Variants in CNBD1 observed in about 807,000 individuals in gnomAD.
The protein encoded by CNBD1 is cyclic nucleotide binding domain containing 1, also known as cyclic nucleotide-binding domain-containing protein 1.
CNBD1 carries 71 observed loss-of-function variants against 54.4 expected under a neutral mutation model. The observed-to-expected ratio is 1.30, with a 90% CI of 1.08 to 1.59. The LOEUF is 1.59. Among genes scored for constraint, CNBD1 ranks in the 40% most tolerant of loss-of-function variants. The pLI, the probability that CNBD1 is intolerant of heterozygous loss-of-function variation, is 0.00. For synonymous variants in CNBD1, 182 were observed against 170.7 expected (o/e 1.07, Z -0.51); for missense variants, 659 against 518.0 (o/e 1.27, Z -2.64).
chr8:87,289,001 G>A (rs887720161), intron 8 of CNBD1, among the ~76,000 whole-genome samples: 14 of 151,980 alleles, frequency 9.2e-5, no homozygotes, highest in African/African-American at 3.1e-4. Context: ...TCAAAGAGAG[G>A]AATTGGATTA....
At chr8:86,955,752 T>A (rs1266976758) in intron 4 of CNBD1, among the ~76,000 whole-genome samples, 1 of 152,222 alleles carries the variant, frequency 6.6e-6, no homozygotes, top group Non-Finnish European at 1.5e-5. Context: ...ATGGGTAGTT[T>A]GTAAAAATTG....
chr8:87,171,419 T>G (rs1245021675), intron 4 of CNBD1, among the ~76,000 whole-genome samples: 1 of 151,978 alleles, frequency 6.6e-6, no homozygotes, highest in African/African-American at 2.4e-5. Context: ...TTTTTCTTAG[T>G]CTGGCCAAAG....
chr8:87,045,737 A>AAC (rs1810170608), intron 4 of CNBD1, among the ~76,000 whole-genome samples: 6 of 149,708 alleles, frequency 4.0e-5, no homozygotes. Context: ...AAAAAAAAAA[A>AAC]AAAAAAACAG....
At chr8:86,911,115 A>G (rs940416634) in intron 3 of CNBD1, among the ~76,000 whole-genome samples, 15 of 152,202 alleles carry the variant, frequency 9.9e-5, no homozygotes, top group Non-Finnish European at 1.6e-4. Context: ...GACAAAGAAA[A>G]GGGAAGATGG....
chr8:87,314,202 T>C (rs1269630659), intron 8 of CNBD1, among the ~76,000 whole-genome samples: 1 of 151,844 alleles, frequency 6.6e-6, no homozygotes, highest in Admixed American at 6.6e-5. Context: ...AATATCAATA[T>C]AAAAATCCTA....
chr8:87,308,148 C>A (rs1809195504), intron 8 of CNBD1, among the ~76,000 whole-genome samples: 1 of 152,096 alleles, frequency 6.6e-6, no homozygotes, highest in African/African-American at 2.4e-5. Context: ...TTATGACTTA[C>A]TGGCTGGAGT....
chr8:86,963,963 G>A (rs1291062276), intron 4 of CNBD1, among the ~76,000 whole-genome samples: 5 of 152,182 alleles, frequency 3.3e-5, no homozygotes, highest in Non-Finnish European at 5.9e-5. Context: ...CAGGTGCATT[G>A]TGAGGACTCT....
At chr8:86,956,189 T>C (rs1355597485) in intron 4 of CNBD1, among the ~76,000 whole-genome samples, 5 of 152,148 alleles carry the variant, frequency 3.3e-5, no homozygotes, top group Non-Finnish European at 5.9e-5. Context: ...CATTGATCTA[T>C]ATCTCTGTTT....
chr8:86,888,495 GTGACTTT>G (rs1487109585), intron 2 of CNBD1, among the ~76,000 whole-genome samples: 4 of 151,986 alleles, frequency 2.6e-5, no homozygotes, highest in Non-Finnish European at 5.9e-5. Flanking sequence ...TACCCTCTGT[GTGACTTT>G]AGACTGCTTA....
At chr8:87,330,274 G>A (rs1489629328) in intron 8 of CNBD1, among the ~76,000 whole-genome samples, 1 of 130,366 alleles carries the variant, frequency 7.7e-6, no homozygotes, top group Non-Finnish European at 1.6e-5. Flanking sequence ...CTTATCAGTT[G>A]TATTAATCTT....
intron 4 of CNBD1, among the ~76,000 whole-genome samples, chr8:87,192,097 G>T (rs887305660): frequency 6.6e-6 from 1 of 152,056 alleles, no homozygotes; most frequent in South Asian, 2.1e-4. Flanking sequence ...AAAAATTGTT[G>T]TCATACAAAG....
At chr8:86,868,345 A>C (rs1425051799) in intron 1 of CNBD1, among the ~76,000 whole-genome samples, 1 of 151,776 alleles carries the variant, frequency 6.6e-6, no homozygotes, top group Non-Finnish European at 1.5e-5. Flanking sequence ...TTATTTATTC[A>C]TTTTTATTTA....
At chr8:87,140,799 A>G (rs1456210967) in intron 4 of CNBD1, among the ~76,000 whole-genome samples, 1 of 152,172 alleles carries the variant, frequency 6.6e-6, no homozygotes, top group African/African-American at 2.4e-5. Flanking sequence ...TTATCAAAAG[A>G]TGAAATGGCA....
At chr8:87,234,680 A>G (rs1226749299) in intron 5 of CNBD1, among the ~76,000 whole-genome samples, 1 of 152,124 alleles carries the variant, frequency 6.6e-6, no homozygotes, top group Non-Finnish European at 1.5e-5. Context: ...TAGATTTAGC[A>G]TAATTGTTCA....
chr8:86,992,958 A>G lies in CNBD1; in HGVS notation c.431+53204A>G, dbSNP rs188110615. Among the ~76,000 whole-genome samples the G allele has an allele frequency of 1.0e-3, 153 of 152,200 alleles. No individual in the cohort carries two copies. The Middle Eastern group carries it at 0.017, about 17-fold the overall frequency. Reference sequence around the variant, plus strand: ...GTGATAGTCATCTTATATAGTACCTACCAGAGGTTCTCTGTATTTCTTGAA... The same window carrying G: ...GTGATAGTCATCTTATATAGTACCTGCCAGAGGTTCTCTGTATTTCTTGAA... On this transcript the variant is annotated intron_variant, in intron 4 of 10. Coordinates refer to ENST00000518476, the MANE Select transcript of CNBD1 (RefSeq NM_173538.3).
chr8:87,286,722 G>T lies in CNBD1; in HGVS notation c.1042+51G>T, dbSNP rs1214370111. On this transcript the variant is annotated intron_variant, in intron 8 of 10. Coordinates refer to ENST00000518476, the MANE Select transcript of CNBD1 (RefSeq NM_173538.3). ...TTTGTTTGCATTCTGTTATATTATT[G>T]GAATTGAAATTCTTCATAGTTGTAA... is the stretch of plus-strand genomic sequence containing the variant. 23 of 1,273,328 alleles carry T rather than the reference G, an allele frequency of 1.8e-5. No individual in the cohort carries two copies. The East Asian group carries it at 3.8e-4, about 21-fold the overall frequency. The allele number at this position is 1,273,328 out of a possible 1,614,324, so 78.9% of individuals were successfully genotyped here.
chr8:87,120,339 G>A (rs1401477582), intron 4 of CNBD1, among the ~76,000 whole-genome samples: 2 of 151,808 alleles, frequency 1.3e-5, no homozygotes, highest in African/African-American at 2.4e-5. Flanking sequence ...TTTCCTCAAG[G>A]TTTTCCATTT....
intron 10 of CNBD1, among the ~76,000 whole-genome samples, chr8:87,377,542 C>T (rs1410958852): frequency 4.6e-5 from 7 of 151,952 alleles, no homozygotes; most frequent in East Asian, 3.9e-4. Context: ...TTTCTTAATC[C>T]AGTCTATCAT....
chr8:87,000,068 A>AGTAATAAAGTAATT (rs1247505738), intron 4 of CNBD1, among the ~76,000 whole-genome samples: 1 of 152,158 alleles, frequency 6.6e-6, no homozygotes, highest in African/African-American at 2.4e-5. Context: ...CCATAAGTAA[A>AGTAATAAAGTAATT]GTAATAAGGC....
Sources: allele counts gnomAD v4.1 joint callset (sites outside exome capture counted in the v4.1 genomes callset), GRCh38; gene constraint gnomAD v4.1.1; transcripts MANE v1.5; gene names NCBI Gene and HGNC (gene_info 2026-07-23, HGNC 2026-07-21).